The following TGFB2 variants were observed in gnomAD, a reference collection of about 807,000 sequenced individuals.
The protein encoded by TGFB2 is transforming growth factor beta-2 proprotein.
In TGFB2, 13 loss-of-function variants were observed where a neutral mutation model predicts 42.7. That is an observed-to-expected ratio of 0.30 (90% CI 0.20 to 0.48). The LOEUF is 0.48. Among genes scored for constraint, TGFB2 ranks in the 20% least tolerant of loss-of-function variants. The pLI, the probability that TGFB2 is intolerant of heterozygous loss-of-function variation, is 0.99. For synonymous variants in TGFB2, 193 were observed against 193.6 expected (o/e 1.00, Z 0.03); for missense variants, 390 against 517.5 (o/e 0.75, Z 2.39).
intron 2 of TGFB2, among the ~76,000 whole-genome samples, chr1:218,429,686 ACTTT>A (rs1659744659): frequency 6.6e-6 from 1 of 152,208 alleles, no homozygotes; most frequent in South Asian, 2.1e-4. Flanking sequence ...TTTCCAAAAA[ACTTT>A]CTTTCCTATA....
At chr1:218,438,759 G>T (rs185609385) in intron 6 of TGFB2, among the ~76,000 whole-genome samples, 2 of 152,232 alleles carry the variant, frequency 1.3e-5, no homozygotes, top group Non-Finnish European at 2.9e-5. Flanking sequence ...CCTCTTGATG[G>T]CTCATCAGGA....
intron 1 of TGFB2, among the ~76,000 whole-genome samples, chr1:218,350,338 A>T (rs1398059150): frequency 6.6e-6 from 1 of 152,108 alleles, no homozygotes; most frequent in Non-Finnish European, 1.5e-5. Context: ...ACGTTTGGCA[A>T]TGTCCAGAGA....
chr1:218,393,648 A>C (rs1658391753), intron 1 of TGFB2, among the ~76,000 whole-genome samples: 1 of 152,186 alleles, frequency 6.6e-6, no homozygotes, highest in Non-Finnish European at 1.5e-5. Flanking sequence ...AGAGGAGAGA[A>C]AGAAAATGGA....
At chr1:218,380,749 A>G (rs1035933823) in intron 1 of TGFB2, among the ~76,000 whole-genome samples, 2 of 152,112 alleles carry the variant, frequency 1.3e-5, no homozygotes, top group Non-Finnish European at 2.9e-5. Flanking sequence ...AAGGGAGCTC[A>G]GTGTTGAGAG....
chr1:218,426,370 A>G (rs184489833), intron 2 of TGFB2, among the ~76,000 whole-genome samples: 1 of 152,294 alleles, frequency 6.6e-6, no homozygotes, highest in Non-Finnish European at 1.5e-5. Flanking sequence ...CTAGACTTCT[A>G]CTTGTTTTTT....
intron 2 of TGFB2, among the ~76,000 whole-genome samples, chr1:218,411,367 G>A (rs985040910): frequency 6.6e-6 from 1 of 152,176 alleles, no homozygotes; most frequent in Admixed American, 6.5e-5. Context: ...GCATTTAGAT[G>A]ACAGTTGGGC....
At chr1:218,427,188 T>C (rs1571894702) in intron 2 of TGFB2, among the ~76,000 whole-genome samples, 2 of 152,296 alleles carry the variant, frequency 1.3e-5, no homozygotes, top group East Asian at 3.9e-4. Flanking sequence ...TTCACCACAA[T>C]ATTGTATAGC....
rs573448424 is a variant in TGFB2 at position 218,411,016 on chromosome 1, C to A, written c.510+5684C>A. 1.1e-4 allele frequency among the ~76,000 whole-genome samples: 17 copies of A among 150,970 alleles called. No individual in the cohort carries two copies. The South Asian group carries it at 3.7e-3, about 32-fold the overall frequency. ...ATGACATATCTAAGGGTACCCATAA[C>A]TTCATGGCCCTAAACAATCCTTTGG... On this transcript the variant is annotated intron_variant, in intron 2 of 6. Coordinates refer to ENST00000366930, the MANE Select transcript of TGFB2 (RefSeq NM_003238.6).
At chr1:218,400,958 T>A (rs1301592440) in intron 1 of TGFB2, among the ~76,000 whole-genome samples, 1 of 151,934 alleles carries the variant, frequency 6.6e-6, no homozygotes, top group Non-Finnish European at 1.5e-5. Context: ...AGGGCTGAGG[T>A]CCCCAGCCCT....
intron 1 of TGFB2, among the ~76,000 whole-genome samples, chr1:218,384,852 G>A (rs1363996809): frequency 1.3e-5 from 2 of 152,226 alleles, no homozygotes; most frequent in Non-Finnish European, 2.9e-5. Flanking sequence ...AGGAGGTTCA[G>A]TGAAGCCCGA....
At chr1:218,403,211 T>TTTG (rs1658789764) in intron 1 of TGFB2, among the ~76,000 whole-genome samples, 1 of 152,170 alleles carries the variant, frequency 6.6e-6, no homozygotes, top group African/African-American at 2.4e-5. Context: ...TTTGGGGTTT[T>TTTG]TTTGTTTGTT....
chr1:218,379,629 T>C (rs538307037), intron 1 of TGFB2, among the ~76,000 whole-genome samples: 2 of 152,290 alleles, frequency 1.3e-5, no homozygotes, highest in East Asian at 1.9e-4. Context: ...TTAAAAGTTC[T>C]GAGGTTAAAT....
chr1:218,440,345 CTT>C (rs34196637), intron 6 of TGFB2, among the ~76,000 whole-genome samples: 28 of 145,250 alleles, frequency 1.9e-4, no homozygotes, highest in Admixed American at 3.4e-4. Context: ...AAAAAACAGG[CTT>C]TTTTTTTTTT....
intron 1 of TGFB2, among the ~76,000 whole-genome samples, chr1:218,371,818 G>A (rs901904386): frequency 2.0e-5 from 3 of 152,186 alleles, no homozygotes; most frequent in Non-Finnish European, 4.4e-5. Context: ...TGTCTTGTGC[G>A]AGTTCCATGC....
intron 2 of TGFB2, among the ~76,000 whole-genome samples, chr1:218,409,523 A>T (rs1659026768): frequency 6.6e-6 from 1 of 152,194 alleles, no homozygotes; most frequent in African/African-American, 2.4e-5. Context: ...ATAAACTCCC[A>T]TCTCTAGTCC....
intron 2 of TGFB2, among the ~76,000 whole-genome samples, chr1:218,407,760 G>A (rs79017906): frequency 1.3e-5 from 2 of 151,946 alleles, no homozygotes; most frequent in Admixed American, 6.6e-5. Flanking sequence ...AATCCACCTC[G>A]GACTCCCAAG....
chr1:218,388,658 T>C (rs1658216936), intron 1 of TGFB2, among the ~76,000 whole-genome samples: 1 of 152,158 alleles, frequency 6.6e-6, no homozygotes, highest in African/African-American at 2.4e-5. Context: ...GAATAGCTGA[T>C]CCCTGAGTTG....
intron 2 of TGFB2, among the ~76,000 whole-genome samples, chr1:218,419,772 T>C (rs1421230833): frequency 6.6e-6 from 1 of 152,216 alleles, no homozygotes; most frequent in African/African-American, 2.4e-5. Context: ...TAACTATGCA[T>C]CTTCTGTGAC....
intron 1 of TGFB2, among the ~76,000 whole-genome samples, chr1:218,390,277 C>A (rs1325199706): frequency 1.3e-5 from 2 of 151,662 alleles, no homozygotes; most frequent in Non-Finnish European, 2.9e-5. Flanking sequence ...ATTGCAAAGA[C>A]TTCTTGAATG....
Sources: gnomAD v4.1 joint callset for allele counts (sites outside exome capture counted in the v4.1 genomes callset) on GRCh38, gnomAD v4.1.1 for gene constraint, MANE v1.5 for transcripts, NCBI Gene and HGNC (gene_info 2026-07-23, HGNC 2026-07-21) for gene names.